EXD3: variants seen among roughly 807,000 people sequenced by gnomAD.
EXD3 encodes exonuclease mut-7 homolog.
In EXD3, 92 loss-of-function variants were observed where a neutral mutation model predicts 98.0. The observed-to-expected ratio is 0.94, with a 90% CI of 0.79 to 1.12. The LOEUF (loss-of-function observed/expected upper bound fraction) is 1.12. Ranked by LOEUF, EXD3 falls within the 50% of genes most tolerant of loss-of-function variation. The pLI, the probability that EXD3 is intolerant of heterozygous loss-of-function variation, is 0.00. For synonymous variants in EXD3, 569 were observed against 526.0 expected (o/e 1.08, Z -1.12); for missense variants, 1,222 against 1,191.6 (o/e 1.03, Z -0.38).
At chr9:137,419,914 C>A (rs1838421204) in intron 1 of EXD3, among the ~76,000 whole-genome samples, 1 of 152,136 alleles carries the variant, frequency 6.6e-6, no homozygotes, top group Non-Finnish European at 1.5e-5. Flanking sequence ...AATCCCAGCA[C>A]TTTGGGAGGC....
chr9:137,347,947 C>T lies in EXD3; in HGVS notation c.1998+124G>A. The T allele has an allele frequency of 8.1e-7, 1 of 1,227,336 alleles. No individual in the cohort carries two copies. The allele number at this position is 1,227,336 out of a possible 1,614,324, so 76.0% of individuals were successfully genotyped here. ...GGCCACCCCGTCCTGTTCCCAGAGC[C>T]TGCCTGGCACAGCTGGCAGCCATGG... On this transcript the variant is annotated intron_variant, in intron 17 of 21. Transcript: ENST00000340951. This position sits in a 1 kb window ranked among gnomAD's most constrained non-coding sequence, Gnocchi z 4.2.
At chr9:137,326,741 G>A (rs974497011) in intron 17 of EXD3, among the ~76,000 whole-genome samples, 5 of 152,142 alleles carry the variant, frequency 3.3e-5, no homozygotes, top group Non-Finnish European at 5.9e-5. Flanking sequence ...ACTCTCATGC[G>A]TCACTGGCGG....
At chr9:137,334,281 C>T (rs963707681) in intron 17 of EXD3, among the ~76,000 whole-genome samples, 15 of 152,164 alleles carry the variant, frequency 9.9e-5, no homozygotes, top group African/African-American at 1.4e-4. Flanking sequence ...GGATTACAGG[C>T]GTGAGCCACT....
chr9:137,374,523 G>A, intron 3 of EXD3: 1 of 983,248 alleles, frequency 1.0e-6, no homozygotes, highest in Non-Finnish European at 1.2e-6. Flanking sequence ...ACTTGCTCCG[G>A]CGATTTGAAA....
Position 137,371,719 on chromosome 9 carries a change from C to T in EXD3, c.462+1186G>A, listed in dbSNP as rs572277935. ...GGGCTGGGCACCCCCAGGCAGGACACCCCTGGGCCAAGCACCCCCGGGCCG... is the reference window on the plus strand; with the variant it reads ...GGGCTGGGCACCCCCAGGCAGGACATCCCTGGGCCAAGCACCCCCGGGCCG... On this transcript the variant is annotated intron_variant, in intron 5 of 21. Coordinates refer to ENST00000340951, the MANE Select transcript of EXD3 (RefSeq NM_017820.5). The surrounding 1 kb of genome is among the most constrained non-coding windows in gnomAD (Gnocchi z 8.0). Among the ~76,000 whole-genome samples, 1 of 151,610 alleles carries T rather than the reference C, an allele frequency of 6.6e-6. No homozygotes were observed. The highest frequency in any genetic ancestry group is 1.5e-5 in the Non-Finnish European group (1 of 67,814).
At chr9:137,420,918 G>A (rs1053658400) in intron 1 of EXD3, among the ~76,000 whole-genome samples, 1 of 152,140 alleles carries the variant, frequency 6.6e-6, no homozygotes, top group Non-Finnish European at 1.5e-5. Flanking sequence ...GGACTCAAGC[G>A]ATCCTCCCAT....
In EXD3 at chr9:137,323,840, C is replaced by T. The variant is rs749670012; in HGVS notation, c.2069G>A (p.Gly690Glu). 58 of 1,611,360 alleles carry T rather than the reference C, an allele frequency of 3.6e-5. No individual in the cohort carries two copies. In the South Asian group the frequency reaches 6.2e-4, roughly 17 times the overall value. The change falls in exon 19 of 22, where the codon GGG becomes GAG. Residue 690 changes from glycine to glutamate, a missense_variant. Physicochemically the swap from Gly to Glu is moderately conservative, Grantham distance 98. Transcript: ENST00000340951. The part of the protein sequence containing the change: ...QPFHKLRAQV[G>E]AGRCLSVDCS... ...GTCGACCGAGAGGCAGCGCCCAGCC[C>T]CGACCTGGGCCCGGAGCTGCAAAGA...
In EXD3 at chr9:137,306,903, A is replaced by G; in HGVS notation, c.*47T>C. On this transcript the variant is annotated 3_prime_UTR_variant, in exon 22 of 22. Coordinates refer to ENST00000340951, the MANE Select transcript of EXD3 (RefSeq NM_017820.5). The stretch of plus-strand genomic sequence containing the variant: ...GAAACATGTGAGCCAGTCCACGGCC[A>G]TGGGCCCAGCAGTCGGGCACTTTCC... The G allele has an allele frequency of 6.6e-7, 1 of 1,513,762 alleles. No individual in the cohort carries two copies. The highest frequency in any genetic ancestry group is 8.8e-7 in the Non-Finnish European group (1 of 1,132,318). The allele number at this position is 1,513,762 out of a possible 1,614,324, so 93.8% of individuals were successfully genotyped here. A position where few individuals can be genotyped will look rare whatever the true frequency, so the allele number is the denominator to read the frequency against.
In EXD3 at chr9:137,372,610, C is replaced by T. The variant is rs537266485; in HGVS notation, c.462+295G>A. Among the ~76,000 whole-genome samples the T allele has an allele frequency of 9.8e-5, 15 of 152,328 alleles. No homozygotes were observed. The East Asian group carries it at 2.7e-3, about 27-fold the overall frequency. Reference sequence around the variant, plus strand: ...GCTCAGGCCCAGGCCCACCTAGGACCCTGTGAGTGTGAGGGCCCAGTGCAT... The same window carrying T: ...GCTCAGGCCCAGGCCCACCTAGGACTCTGTGAGTGTGAGGGCCCAGTGCAT... On this transcript the variant is annotated intron_variant, in intron 5 of 21. Coordinates refer to ENST00000340951, the MANE Select transcript of EXD3 (RefSeq NM_017820.5).
At chr9:137,363,279 T>C (rs899409961) in intron 7 of EXD3, among the ~76,000 whole-genome samples, 1 of 151,298 alleles carries the variant, frequency 6.6e-6, no homozygotes, top group East Asian at 1.9e-4. Flanking sequence ...TGAGTTGGGC[T>C]GCGCTTTTTT....
intron 2 of EXD3, among the ~76,000 whole-genome samples, chr9:137,391,236 C>T (rs970685779): frequency 3.9e-5 from 6 of 152,260 alleles, no homozygotes; most frequent in Admixed American, 3.3e-4. Context: ...GAGCGGCATG[C>T]GCTCATCACG....
At chr9:137,354,678 G>C in intron 9 of EXD3, 22 bp downstream of exon 9, 1 of 1,609,674 alleles carries the variant, frequency 6.2e-7, no homozygotes, top group Non-Finnish European at 8.5e-7. Flanking sequence ...GCTGCCCCCA[G>C]GACCCCCTCC....
intron 7 of EXD3, among the ~76,000 whole-genome samples, chr9:137,358,893 T>C (rs7390964): frequency 0.84 from 126,129 of 150,670 alleles, 52,928 homozygotes; most frequent in South Asian, 0.92. Context: ...GTCACGTTGC[T>C]CAGGCTGGTT....
Position 137,393,550 on chromosome 9 carries a change from C to T in EXD3, c.55+1753G>A, listed in dbSNP as rs905984755. Among the ~76,000 whole-genome samples the T allele has an allele frequency of 2.0e-5, 3 of 152,224 alleles. No homozygotes were observed. The highest frequency in any genetic ancestry group is 7.2e-5 in the African/African-American group (3 of 41,458). On this transcript the variant is annotated intron_variant, in intron 2 of 21. Transcript: ENST00000340951. This position sits in a 1 kb window ranked among gnomAD's most constrained non-coding sequence, Gnocchi z 4.6. ...CCCCGAGCACACGCTGACCTGGCTA[C>T]ATCAGGGAAGGCGACATGCCCGGAG...
In EXD3 at chr9:137,382,039, GGGAGGAGGTGAGGGCGCGC is replaced by G. The variant is rs1564194567; in HGVS notation, c.120+1255_120+1273del. On this transcript the variant is annotated intron_variant, in intron 3 of 21. Transcript: ENST00000340951. ...GACGCGGGGAGGAGGTGAGGGCGCG[GGGAGGAGGTGAGGGCGCGC>G]GGAGGAGGTGAGGGCGCGCGGTGGA... is the stretch of plus-strand genomic sequence containing the variant. Among the ~76,000 whole-genome samples, 222 of 120,320 alleles carry G rather than the reference GGGAGGAGGTGAGGGCGCGC, an allele frequency of 1.8e-3. 2 individuals are homozygous for G. The highest frequency in any genetic ancestry group is 7.3e-3 in the African/African-American group (202 of 27,770). 78.9% of individuals were successfully genotyped at this position (120,320 alleles called of 152,430 possible).
chr9:137,404,127 C>T (rs1368938646), intron 1 of EXD3, among the ~76,000 whole-genome samples: 2 of 152,200 alleles, frequency 1.3e-5, no homozygotes, highest in African/African-American at 2.4e-5. Context: ...CTTGTGGTGA[C>T]ACCAGTCCTA....
rs576157502 is a variant in EXD3 at position 137,347,277 on chromosome 9, G to A, written c.1998+794C>T. On this transcript the variant is annotated intron_variant, in intron 17 of 21. Transcript: ENST00000340951. This position sits in a 1 kb window ranked among gnomAD's most constrained non-coding sequence, Gnocchi z 4.2. ...CGGCAGGCTCCTCTTAGGAGACTCC[G>A]GGGAAGAACCTGCTTCTGGGCTTGG... is the stretch of plus-strand genomic sequence containing the variant. Among the ~76,000 whole-genome samples the A allele has an allele frequency of 1.3e-5, 2 of 152,258 alleles. No individual in the cohort carries two copies. Among genetic ancestry groups the A allele is most frequent in the African/African-American group, 4.8e-5 (2 of 41,554 alleles).
chr9:137,389,282 C>T (rs1192531876), intron 2 of EXD3, among the ~76,000 whole-genome samples: 2 of 152,140 alleles, frequency 1.3e-5, no homozygotes, highest in South Asian at 2.1e-4. Context: ...GAGGACCGCC[C>T]GTGTCTGGGG....
chr9:137,354,769 C>T lies in EXD3; in HGVS notation c.762G>A (p.Leu254=), dbSNP rs1483574243. Residue 254 remains leucine, a synonymous_variant, in exon 9 of 22, where the codon CTG becomes CTA. Transcript: ENST00000340951. ...GCTGCTGAATGGCCGCGTTGGGACA[C>T]AGCGCTGAAAGGAAAGGCCAGCTCA... ...LQERYGVAPA[L]CPNAAIQQRL... The T allele has an allele frequency of 6.2e-7, 1 of 1,609,484 alleles. No individual in the cohort carries two copies. Among genetic ancestry groups the T allele is most frequent in the Non-Finnish European group, 8.5e-7 (1 of 1,179,420 alleles).
Sources: gnomAD v4.1 joint callset for allele counts (sites outside exome capture counted in the v4.1 genomes callset) on GRCh38, gnomAD v4.1.1 for gene constraint, Gnocchi (gnomAD v3.1) non-coding constraint, MANE v1.5 for transcripts, NCBI Gene and HGNC (gene_info 2026-07-23, HGNC 2026-07-21) for gene names.